HK1: variants seen among roughly 807,000 people sequenced by gnomAD.
HK1 encodes hexokinase-1.
In HK1, 28 loss-of-function variants were observed where a neutral mutation model predicts 91.6. The observed-to-expected ratio is 0.31, with a 90% confidence interval of 0.23 to 0.42. The LOEUF is 0.42. Among genes scored for constraint, HK1 ranks in the 10% least tolerant of loss-of-function variants. The pLI, the probability that HK1 is intolerant of heterozygous loss-of-function variation, is 1.00. For missense variants in HK1, 770 were observed against 1,219.8 expected, an observed-to-expected ratio of 0.63 and a Z score of 5.49; for synonymous variants, 430 against 468.1, an observed-to-expected ratio of 0.92 and a Z score of 1.05.
chr10:69,360,061 C>T lies in HK1; in HGVS notation c.375+16C>T, dbSNP rs551771289. 1 of 1,612,946 alleles carries T rather than the reference C, an allele frequency of 6.2e-7. No homozygotes were observed. The highest frequency in any genetic ancestry group is 1.1e-5 in the South Asian group (1 of 91,056). On this transcript the variant is annotated intron_variant, in intron 3 of 17. Transcript: ENST00000359426. ...TGGAAGCCAGGTGGGTCCCTGCTCC[C>T]TCCGGGTCACCCCGTCGGGCCAGCA...
At chr10:69,362,732 G>A (rs1477303333) in intron 3 of HK1, among the ~76,000 whole-genome samples, 1 of 152,166 alleles carries the variant, frequency 6.6e-6, no homozygotes, top group Non-Finnish European at 1.5e-5. Context: ...CTTCTCTCCC[G>A]AGGCTGCAGG....
intron 17 of HK1, among the ~76,000 whole-genome samples, chr10:69,400,540 AC>A (rs1840339876): frequency 6.6e-6 from 1 of 152,086 alleles, no homozygotes; most frequent in Admixed American, 6.5e-5. Flanking sequence ...GCTGGCTTGC[AC>A]CTGCCTTAAT....
intron 1 of HK1, among the ~76,000 whole-genome samples, chr10:69,343,136 T>C (rs1375130405): frequency 1.3e-5 from 2 of 152,330 alleles, no homozygotes; most frequent in East Asian, 1.9e-4. Context: ...TTAAGGTTTC[T>C]GTGCTCTGGG....
At chr10:69,271,999 GA>G (rs1844196352) in intron 1 of HK1, among the ~76,000 whole-genome samples, 1 of 152,152 alleles carries the variant, frequency 6.6e-6, no homozygotes, top group Non-Finnish European at 1.5e-5. Context: ...GAGTAGCTGG[GA>G]TTACAGGCAC....
In HK1 at chr10:69,326,721, G is replaced by T. The variant is rs77555411; in HGVS notation, c.63+7711G>T. Among the ~76,000 whole-genome samples, 79 of 152,300 alleles carry T rather than the reference G, an allele frequency of 5.2e-4. 1 individual carries two copies. The East Asian group carries it at 0.014, about 27-fold the overall frequency. ...CCTCTGAGTCTGCTACTCAGCTTGA[G>T]AAGTTATAGACACAATTACAATTAC... On this transcript the variant is annotated intron_variant, in intron 1 of 17. Transcript: ENST00000359426.
intron 9 of HK1, among the ~76,000 whole-genome samples, chr10:69,381,265 G>A (rs369395478): frequency 2.0e-5 from 3 of 152,112 alleles, no homozygotes; most frequent in East Asian, 1.9e-4. Flanking sequence ...CAGCCTGGGG[G>A]ACAGAATGAG....
intron 1 of HK1, among the ~76,000 whole-genome samples, chr10:69,277,861 T>C (rs10823330): frequency 0.68 from 103,442 of 151,942 alleles, 35,722 homozygotes; most frequent in East Asian, 0.92. Context: ...GACGAAACCC[T>C]GTCTCTACTA....
chr10:69,321,474 G>C (rs904054265), intron 1 of HK1, among the ~76,000 whole-genome samples: 2 of 152,190 alleles, frequency 1.3e-5, no homozygotes, highest in Non-Finnish European at 2.9e-5. Context: ...TCCCAGCAGG[G>C]ACCTGCTGAG....
Position 69,380,174 on chromosome 10 carries a change from C to G in HK1, c.1265+79C>G. Reference sequence around the variant, plus strand: ...CTTCTCCAGAGATCAGACTTTTGTACCCGGTAAACGTTTTTCGGCAGACAA... The same window carrying G: ...CTTCTCCAGAGATCAGACTTTTGTAGCCGGTAAACGTTTTTCGGCAGACAA... On this transcript the variant is annotated intron_variant, in intron 9 of 17. Coordinates refer to ENST00000359426, the MANE Select transcript of HK1 (RefSeq NM_000188.3). This position sits in a 1 kb window ranked among gnomAD's most constrained non-coding sequence, Gnocchi z 4.0. 8.4e-7 allele frequency: 1 copy of G among 1,189,890 alleles called. No homozygotes were observed. The highest frequency in any genetic ancestry group is 1.2e-5 in the South Asian group (1 of 80,362). The allele number at this position is 1,189,890 out of a possible 1,614,324, so 73.7% of individuals were successfully genotyped here.
upstream of HK1, among the ~76,000 whole-genome samples, chr10:69,317,014 T>C (rs1846681236): frequency 6.6e-6 from 1 of 152,230 alleles, no homozygotes; most frequent in Non-Finnish European, 1.5e-5. Context: ...TTTATAATTA[T>C]GATCCAGGGC....
At chr10:69,337,440 G>T (rs1848046732) in intron 1 of HK1, among the ~76,000 whole-genome samples, 1 of 152,160 alleles carries the variant, frequency 6.6e-6, no homozygotes, top group Non-Finnish European at 1.5e-5. Flanking sequence ...CGTGGCACTT[G>T]GCATCCACAA....
intron 1 of HK1, among the ~76,000 whole-genome samples, chr10:69,323,974 G>T (rs575773447): frequency 6.6e-6 from 1 of 152,262 alleles, no homozygotes; most frequent in East Asian, 1.9e-4. Flanking sequence ...TAAAGACAGG[G>T]AGCTGTATAC....
At position 69,358,314 on chromosome 10, in the gene HK1, G is replaced by A. The variant is rs149566339; in HGVS notation, c.227-1583G>A. On this transcript the variant is annotated intron_variant, in intron 2 of 17. Transcript: ENST00000359426. ...AATGGTTGGAACTTTGCCCATGGCC[G>A]CCTGCCTTTGCTGTCCGATGGTCTC... Among the ~76,000 whole-genome samples the A allele has an allele frequency of 6.2e-3, 948 of 152,306 alleles. 43 individuals are homozygous for A. The highest frequency in any genetic ancestry group is 0.057 in the Admixed American group (873 of 15,296).
At chr10:69,373,565 C>T (rs549809124) in intron 7 of HK1, among the ~76,000 whole-genome samples, 48 of 151,110 alleles carry the variant, frequency 3.2e-4, no homozygotes, top group Non-Finnish European at 5.2e-4. Context: ...ATTTTTAATT[C>T]TCCTTCCCTT....
chr10:69,377,290 A>G (rs1213337700), intron 8 of HK1, among the ~76,000 whole-genome samples: 1 of 152,094 alleles, frequency 6.6e-6, no homozygotes, highest in African/African-American at 2.4e-5. Flanking sequence ...TTAAAGAATG[A>G]CATAGTTAGC....
intron 14 of HK1, among the ~76,000 whole-genome samples, chr10:69,391,362 G>A (rs1000438835): frequency 6.6e-6 from 1 of 152,274 alleles, no homozygotes; most frequent in Non-Finnish European, 1.5e-5. Flanking sequence ...GATAAGTGGG[G>A]CTGGGCGTGG....
At chr10:69,319,172 G>A in intron 1 of HK1, 162 bp downstream of exon 1, 1 of 849,016 alleles carries the variant, frequency 1.2e-6, no homozygotes, top group Non-Finnish European at 1.9e-6. Flanking sequence ...CGATTCTACC[G>A]GCATTGTCAG....
intron 1 of HK1, among the ~76,000 whole-genome samples, chr10:69,278,268 A>C (rs968348082): frequency 6.6e-6 from 1 of 152,252 alleles, no homozygotes; most frequent in African/African-American, 2.4e-5. Context: ...CACTGCTTAC[A>C]CTATGGCTGC....
At chr10:69,291,567 A>G (rs1418909028) in intron 3 of HK1, among the ~76,000 whole-genome samples, 2 of 152,146 alleles carry the variant, frequency 1.3e-5, no homozygotes, top group East Asian at 3.8e-4. Flanking sequence ...CCAAGCTTGT[A>G]CAGCTGGTCC....
Sources: gnomAD v4.1 joint callset for allele counts (sites outside exome capture counted in the v4.1 genomes callset) on GRCh38, gnomAD v4.1.1 for gene constraint, Gnocchi (gnomAD v3.1) non-coding constraint, MANE v1.5 for transcripts, NCBI Gene and HGNC (gene_info 2026-07-23, HGNC 2026-07-21) for gene names.